The following NLRC3 variants were observed in gnomAD, a reference collection of about 807,000 sequenced individuals.
NLRC3 encodes the protein NLR family CARD domain containing 3.
Under a neutral mutation model 91.6 loss-of-function variants are expected in NLRC3, and 87 were observed. That is an observed-to-expected ratio of 0.95 (90% confidence interval 0.80 to 1.14). The LOEUF is 1.14. Ranked by LOEUF, NLRC3 falls within the 50% of genes most tolerant of loss-of-function variation. The pLI, the probability that NLRC3 is intolerant of heterozygous loss-of-function variation, is 0.00. For synonymous variants in NLRC3, 694 were observed against 625.3 expected, an observed-to-expected ratio of 1.11 and a Z score of -1.64; for missense variants, 1,577 against 1,418.6, an observed-to-expected ratio of 1.11 and a Z score of -1.79.
Position 3,565,397 on chromosome 16 carries a change from G to T in NLRC3, c.-86-17C>A, listed in dbSNP as rs2151101991. On this transcript the variant is annotated splice_polypyrimidine_tract_variant and intron_variant, in intron 2 of 19. Transcript: ENST00000359128. The stretch of plus-strand genomic sequence containing the variant: ...ATTTGTGACCTGGAAATGATGATGA[G>T]GTTACAAGTAAGTTTGCTCAAAAGG... 2.1e-6 allele frequency: 1 copy of T among 473,674 alleles called. No homozygotes were observed. The highest frequency in any genetic ancestry group is 1.6e-5 in the South Asian group (1 of 64,026). The allele number at this position is 473,674 out of a possible 1,614,324, so 29.3% of individuals were successfully genotyped here.
chr16:3,562,899 G>T, intron 5 of NLRC3, 110 bp downstream of exon 5: 1 of 1,015,218 alleles, frequency 9.9e-7, no homozygotes. Context: ...ATGGTCCTCT[G>T]TTACGGCAGC....
chr16:3,551,866 C>G (rs1164298823), intron 10 of NLRC3, among the ~76,000 whole-genome samples: 2 of 151,214 alleles, frequency 1.3e-5, no homozygotes, highest in African/African-American at 4.9e-5. Flanking sequence ...ACTACCCACC[C>G]AACCATCCAT....
chr16:3,547,014 G>A (rs1332706589), intron 15 of NLRC3, among the ~76,000 whole-genome samples: 1 of 152,152 alleles, frequency 6.6e-6, no homozygotes, highest in South Asian at 2.1e-4. Context: ...TAAACCTAGA[G>A]TTCCCTCACG....
chr16:3,554,003 T>TC (rs1410873306), intron 9 of NLRC3, among the ~76,000 whole-genome samples: 1 of 151,908 alleles, frequency 6.6e-6, no homozygotes, highest in Non-Finnish European at 1.5e-5. Context: ...TGCCTTGGCC[T>TC]CCCAAAGTGC....
intron 6 of NLRC3, 118 bp downstream of exon 6, chr16:3,561,584 C>G: frequency 1.5e-6 from 1 of 683,362 alleles, no homozygotes; most frequent in Admixed American, 2.5e-5. Flanking sequence ...GAGCCACATG[C>G]TCCAAAGACA....
chr16:3,558,329 TCAAAA>T (rs2039448262), intron 6 of NLRC3, among the ~76,000 whole-genome samples: 1 of 152,046 alleles, frequency 6.6e-6, no homozygotes, highest in African/African-American at 2.4e-5. Context: ...AGACCATGTC[TCAAAA>T]CAACAACAAA....
chr16:3,560,961 A>G (rs1030206978), intron 6 of NLRC3, among the ~76,000 whole-genome samples: 5 of 151,980 alleles, frequency 3.3e-5, no homozygotes, highest in African/African-American at 1.2e-4. Context: ...ACCCGGCCAC[A>G]AGATGCAATT....
intron 2 of NLRC3, among the ~76,000 whole-genome samples, 173 bp from the exon 3 acceptor site, chr16:3,565,553 G>C (rs2039845297): frequency 6.9e-6 from 1 of 145,882 alleles, no homozygotes. Context: ...TAACATTCTG[G>C]AAAAGGCAAA....
chr16:3,552,738 G>A (rs969490427), intron 9 of NLRC3, among the ~76,000 whole-genome samples: 18 of 152,054 alleles, frequency 1.2e-4, no homozygotes, highest in African/African-American at 3.6e-4. Context: ...TTAACAGATC[G>A]AGACTATCCT....
chr16:3,563,698 G>A lies in NLRC3; in HGVS notation c.1239C>T (p.Tyr413=), dbSNP rs780316468. 79 of 1,613,538 alleles carry A rather than the reference G, an allele frequency of 4.9e-5. No individual in the cohort carries two copies. The South Asian group carries it at 7.6e-4, about 15-fold the overall frequency. Residue 413 remains tyrosine (Y), a synonymous_variant, in exon 5 of 20, where the codon TAC becomes TAT. Transcript: ENST00000359128. ...CCTTCATGTCTTGCTCGTAAAACAC[G>A]TATTTCTTCTTGAGCAGCCCATGGA... ...LAFHGLLKKK[Y]VFYEQDMKAF... is the part of the protein sequence containing the mutation.
intron 15 of NLRC3, among the ~76,000 whole-genome samples, chr16:3,547,572 CTATG>C (rs1192479109): frequency 6.6e-6 from 1 of 151,632 alleles, no homozygotes; most frequent in East Asian, 1.9e-4. Flanking sequence ...TGTCATATAT[CTATG>C]TATATATGTG....
chr16:3,563,910 A>C lies in NLRC3; in HGVS notation c.1027T>G (p.Trp343Gly), dbSNP rs200587396. Residue 343 changes from tryptophan to glycine, a missense_variant, in exon 5 of 20, where the codon TGG becomes GGG. By Grantham distance (184) the Trp-to-Gly change is radical. Transcript: ENST00000359128. ...TCCTGGGGCCCCGTCCTGCTGCGCC[A>C]CAGGTGGCCTAGCGCCATCCCCGTG... ...RLTGMALGHL[W>G]RSRTGPQDAE... The C allele has an allele frequency of 5.1e-4, 812 of 1,593,626 alleles. No individual in the cohort carries two copies. Among genetic ancestry groups the C allele is most frequent in the Non-Finnish European group, 6.7e-4 (779 of 1,171,018 alleles).
In NLRC3 at chr16:3,552,210, A is replaced by G; in HGVS notation, c.2337T>C (p.Ser779=). 2 of 1,606,972 alleles carry G rather than the reference A, an allele frequency of 1.2e-6. No homozygotes were observed. Among genetic ancestry groups the G allele is most frequent in the South Asian group, 2.2e-5 (2 of 90,936 alleles). Residue 779 remains serine (S), a synonymous_variant, in exon 10 of 20, where the codon AGT becomes AGC. Transcript: ENST00000359128. The part of the protein sequence containing the change: ...RMADALKQNR[S]LKELMFSSNS... ...ATATGTCTCACATGAGCTCTTTCAG[A>G]CTCCTGTTCTGCTTCAAGGCATCTG...
intron 6 of NLRC3, 62 bp from the exon 7 acceptor site, chr16:3,557,738 C>T: frequency 9.7e-7 from 1 of 1,025,878 alleles, no homozygotes; most frequent in South Asian, 1.3e-5. Context: ...GCCTCTTCCT[C>T]AACGCTGTGC....
At chr16:3,567,639 G>T (rs2039933655) in intron 1 of NLRC3, among the ~76,000 whole-genome samples, 1 of 151,714 alleles carries the variant, frequency 6.6e-6, no homozygotes, top group Admixed American at 6.6e-5. Context: ...GGGCATGGTG[G>T]TGGGCGCCTG....
rs915577731 is a variant in NLRC3 at position 3,561,922 on chromosome 16, A to C, written c.1929-134T>G. 3.3e-4 allele frequency: 220 copies of C among 663,998 alleles called. 3 individuals are homozygous for C. The South Asian group carries it at 3.5e-3, about 11-fold the overall frequency. The allele number at this position is 663,998 out of a possible 1,614,324, so 41.1% of individuals were successfully genotyped here. On this transcript the variant is annotated intron_variant, in intron 5 of 19. Transcript: ENST00000359128. The stretch of plus-strand genomic sequence containing the variant: ...AGCTCTGAGATCTGCGCTCAGCCCC[A>C]GTGCTCAGACCTTTCCCGTGAGAGT...
In NLRC3 at chr16:3,565,300, C is replaced by T. The variant is rs367600639; in HGVS notation, c.-25+19G>A. 1.0e-5 allele frequency: 7 copies of T among 669,256 alleles called. No individual in the cohort carries two copies. The highest frequency in any genetic ancestry group is 4.5e-5 in the South Asian group (3 of 66,442). The allele number at this position is 669,256 out of a possible 1,614,324, so 41.5% of individuals were successfully genotyped here. On this transcript the variant is annotated intron_variant, in intron 3 of 19. Transcript: ENST00000359128. The stretch of plus-strand genomic sequence containing the variant: ...TGATAACTGGGGCCCTGAGCTTGTA[C>T]CCCGGCCCTGCCACTTACCAGATAG...
chr16:3,574,007 CTTTTTTTT>C (rs35126359), intron 1 of NLRC3, among the ~76,000 whole-genome samples: 3 of 40,398 alleles, frequency 7.4e-5, no homozygotes, highest in African/African-American at 1.0e-4. Context: ...ACCATTTTAT[CTTTTTTTT>C]TTTTTTTTTT....
At chr16:3,575,142 C>A (rs566044784) in intron 1 of NLRC3, among the ~76,000 whole-genome samples, 1 of 152,314 alleles carries the variant, frequency 6.6e-6, no homozygotes, top group East Asian at 1.9e-4. Flanking sequence ...AGGCCCCATT[C>A]AGACGAAACG....
Sources: gnomAD v4.1 joint callset for allele counts (sites outside exome capture counted in the v4.1 genomes callset) on GRCh38, gnomAD v4.1.1 for gene constraint, MANE v1.5 for transcripts, NCBI Gene and HGNC (gene_info 2026-07-23, HGNC 2026-07-21) for gene names.